REV3L: variants seen among roughly 807,000 people sequenced by gnomAD.
REV3L encodes the protein REV3 like, DNA directed polymerase zeta catalytic subunit.
In REV3L, 69 loss-of-function variants were observed where a neutral mutation model predicts 299.4. The observed-to-expected ratio is 0.23, with a 90% CI of 0.19 to 0.28. The LOEUF (loss-of-function observed/expected upper bound fraction) is 0.28. REV3L is among the 10% of genes least tolerant of loss of function. The probability of loss-of-function intolerance (pLI) is 1.00; values close to 1 mark genes in which losing one functional copy is unlikely to be tolerated. For missense variants in REV3L, 3,128 were observed against 3,693.8 expected (o/e 0.85, Z 3.97); for synonymous variants, 1,238 against 1,271.4 (o/e 0.97, Z 0.56).
At chr6:111,439,095 G>C (rs1026969709) in intron 1 of REV3L, among the ~76,000 whole-genome samples, 1 of 152,260 alleles carries the variant, frequency 6.6e-6, no homozygotes, top group East Asian at 1.9e-4. Flanking sequence ...CTGTTTGATT[G>C]TAATACATTC....
At position 111,376,277 on chromosome 6, in the gene REV3L, A is replaced by G. The variant is rs3218593; in HGVS notation, c.2078T>C (p.Met693Thr). 4.2e-5 allele frequency: 67 copies of G among 1,613,930 alleles called. No individual in the cohort carries two copies. In the African/African-American group the frequency reaches 8.8e-4, roughly 21 times the overall value. ...KIEKDSPFIH[M>T]HRHPNENTLG... The stretch of plus-strand genomic sequence containing the variant: ...TGTATTCTCGTTAGGGTGACGGTGC[A>G]TATGTATAAAAGGGGAATCCTTTTC... Residue 693 changes from methionine to threonine, a missense_variant, in exon 13 of 32, where the codon ATG becomes ACG. By Grantham distance (81) the Met-to-Thr change is moderately conservative. Around this residue, in one of 9 missense-constraint regions of REV3L, gnomAD observed 2,409 missense variants for 2,611.8 expected, o/e 0.92. Transcript: ENST00000368802.
chr6:111,321,364 A>G (rs1180460649), intron 26 of REV3L, among the ~76,000 whole-genome samples: 3 of 152,252 alleles, frequency 2.0e-5, no homozygotes, highest in Non-Finnish European at 4.4e-5. Flanking sequence ...AACAACATGG[A>G]TAGCCCCTGA....
chr6:111,432,126 G>A, intron 1 of REV3L, among the ~76,000 whole-genome samples: 1 of 152,082 alleles, frequency 6.6e-6, no homozygotes, highest in East Asian at 1.9e-4. Flanking sequence ...CACAAAGGAA[G>A]ACAGTAAGAA....
chr6:111,311,393 G>T, intron 28 of REV3L, 134 bp from the exon 29 acceptor site: 1 of 520,360 alleles, frequency 1.9e-6, no homozygotes. Context: ...TTACAATGAT[G>T]GGATAATAAA....
At position 111,341,620 on chromosome 6, in the gene REV3L, G is replaced by A. The variant is rs2114890280; in HGVS notation, c.7538+2305C>T. Among the ~76,000 whole-genome samples, 3 of 152,246 alleles carry A rather than the reference G, an allele frequency of 2.0e-5. No individual in the cohort carries two copies. The Middle Eastern group carries it at 0.01, about 518-fold the overall frequency. On this transcript the variant is annotated intron_variant, in intron 21 of 31. Transcript: ENST00000368802. ...GGACTTTTCCTAGACACAGTGCAGT[G>A]TGCCACAGTCTACACAGAGCAAGGC... is the stretch of plus-strand genomic sequence containing the variant.
chr6:111,468,919 G>A (rs1791846267), intron 1 of REV3L, among the ~76,000 whole-genome samples: 1 of 152,094 alleles, frequency 6.6e-6, no homozygotes, highest in Admixed American at 6.6e-5. Flanking sequence ...CAGCACTTTG[G>A]GAGGGCTGAG....
At chr6:111,336,918 A>T (rs1261851697) in intron 21 of REV3L, among the ~76,000 whole-genome samples, 1 of 152,200 alleles carries the variant, frequency 6.6e-6, no homozygotes, top group Non-Finnish European at 1.5e-5. Context: ...GCCACAAAAG[A>T]TTACATATTG....
chr6:111,324,889 T>A (rs1188877904), intron 25 of REV3L, among the ~76,000 whole-genome samples: 1 of 148,748 alleles, frequency 6.7e-6, no homozygotes, highest in East Asian at 2.0e-4. Context: ...TGAGATGGAG[T>A]CTCACTCTGT....
intron 20 of REV3L, among the ~76,000 whole-genome samples, 193 bp from the exon 21 acceptor site, chr6:111,344,236 T>A (rs1776810108): frequency 6.6e-6 from 1 of 152,158 alleles, no homozygotes; most frequent in African/African-American, 2.4e-5. Context: ...TCATAACAAA[T>A]TGGAAAATTA....
chr6:111,325,964 C>CT (rs1248324167), intron 25 of REV3L, among the ~76,000 whole-genome samples: 1 of 152,108 alleles, frequency 6.6e-6, no homozygotes, highest in Non-Finnish European at 1.5e-5. Context: ...ATTCTACTCT[C>CT]TATCTCCATG....
chr6:111,384,068 G>C (rs1461609646), intron 9 of REV3L, among the ~76,000 whole-genome samples: 3 of 152,116 alleles, frequency 2.0e-5, no homozygotes, highest in African/African-American at 4.8e-5. Context: ...AATGAAACTA[G>C]ACCCTGATCT....
chr6:111,351,431 A>G (rs1399381767), intron 19 of REV3L, among the ~76,000 whole-genome samples: 3 of 152,238 alleles, frequency 2.0e-5, no homozygotes, highest in African/African-American at 7.2e-5. Context: ...CTACATATGT[A>G]TATGAAAAGT....
intron 3 of REV3L, among the ~76,000 whole-genome samples, chr6:111,406,654 C>A (rs910862125): frequency 6.6e-6 from 1 of 152,064 alleles, no homozygotes; most frequent in Admixed American, 6.6e-5. Context: ...GCCTAGATTT[C>A]TTGCTTAAGC....
intron 1 of REV3L, among the ~76,000 whole-genome samples, chr6:111,446,385 T>C (rs1277423863): frequency 6.6e-6 from 1 of 152,158 alleles, no homozygotes; most frequent in East Asian, 1.9e-4. Flanking sequence ...CAAACTGGGA[T>C]GAAGTGACTT....
chr6:111,320,653 G>A (rs968729717), intron 26 of REV3L, among the ~76,000 whole-genome samples: 2 of 151,856 alleles, frequency 1.3e-5, no homozygotes, highest in African/African-American at 4.8e-5. Context: ...AAACGTTTGG[G>A]TTTCTTGTTT....
chr6:111,429,036 A>T (rs1272524462), intron 1 of REV3L, among the ~76,000 whole-genome samples: 1 of 152,264 alleles, frequency 6.6e-6, no homozygotes, highest in African/African-American at 2.4e-5. Flanking sequence ...GGCAACAGAC[A>T]TCTTAAGAGA....
chr6:111,423,914 A>G (rs528843683), intron 1 of REV3L, among the ~76,000 whole-genome samples: 2 of 152,328 alleles, frequency 1.3e-5, no homozygotes, highest in South Asian at 4.1e-4. Context: ...TTGCATTTAT[A>G]CAATTTTACA....
intron 20 of REV3L, among the ~76,000 whole-genome samples, chr6:111,344,767 ATTC>A (rs1210668145): frequency 2.0e-5 from 3 of 152,200 alleles, no homozygotes; most frequent in Non-Finnish European, 4.4e-5. Flanking sequence ...AGTAGTCCCC[ATTC>A]TTAGGTCAGT....
At chr6:111,475,166 A>G (rs1792783082) in intron 1 of REV3L, among the ~76,000 whole-genome samples, 1 of 152,126 alleles carries the variant, frequency 6.6e-6, no homozygotes, top group African/African-American at 2.4e-5. Context: ...TCTTTGACAT[A>G]GCACCACAGC....
Sources: gnomAD v4.1 joint callset for allele counts (sites outside exome capture counted in the v4.1 genomes callset) on GRCh38, gnomAD v4.1.1 for gene constraint, gnomAD v4.1.1 regional missense constraint, MANE v1.5 for transcripts, NCBI Gene and HGNC (gene_info 2026-07-23, HGNC 2026-07-21) for gene names.